The following ADGRF3 variants were observed in gnomAD, a reference collection of about 807,000 sequenced individuals.
ADGRF3 encodes the protein G protein-coupled receptor 113.
In ADGRF3, 85 loss-of-function variants were observed where a neutral mutation model predicts 93.2. That is an observed-to-expected ratio of 0.91 (90% CI 0.77 to 1.09). The LOEUF is 1.09. ADGRF3 is among the 50% of genes least tolerant of loss of function. ADGRF3 has a pLI of 0.00. For missense variants in ADGRF3, 1,125 were observed against 1,246.2 expected (o/e 0.90, Z 1.46); for synonymous variants, 534 against 532.5 (o/e 1.00, Z -0.04).
In ADGRF3 at chr2:26,310,089, C is replaced by T. The variant is rs1250347432; in HGVS notation, c.2891G>A (p.Arg964His). 9.9e-6 allele frequency: 16 copies of T among 1,613,890 alleles called. No homozygotes were observed. Among genetic ancestry groups the T allele is most frequent in the African/African-American group, 1.3e-5 (1 of 74,934 alleles). ...GGCTTGGGCGCGGCAGAAGCGTTTG[C>T]GCAAAGCTTCTTGTATCTGCGGGAG... The part of the protein sequence containing the change: ...LMDRKIQEAL[R>H]KRFCRAQAPS... Residue 964 changes from arginine to histidine, a missense_variant, in exon 12 of 14, where the codon CGC becomes CAC. Transcript: ENST00000651242.
Position 26,325,879 on chromosome 2 carries a change from AGT to A in ADGRF3, c.115-8319_115-8318del, listed in dbSNP as rs780277026. Among the ~76,000 whole-genome samples, 7 of 152,336 alleles carry A rather than the reference AGT, an allele frequency of 4.6e-5. No individual in the cohort carries two copies. The South Asian group carries it at 1.2e-3, about 27-fold the overall frequency. ...TTTGGAGGTATAGATGACCTACCTA[AGT>A]GTGAGACAAAATCCTGAAATCATAT... On this transcript the variant is annotated intron_variant, in intron 1 of 13. Coordinates refer to ENST00000651242, the MANE Select transcript of ADGRF3 (RefSeq NM_001321971.2).
chr2:26,336,724 A>T (rs1676068962), intron 1 of ADGRF3, among the ~76,000 whole-genome samples: 3 of 78,246 alleles, frequency 3.8e-5, no homozygotes, highest in African/African-American at 8.8e-5. Context: ...AGACTCCATA[A>T]AAAAAAAAAA....
chr2:26,331,513 C>T lies in ADGRF3; in HGVS notation c.115-13951G>A, dbSNP rs1460751336. On this transcript the variant is annotated intron_variant, in intron 1 of 13. Coordinates refer to ENST00000651242, the MANE Select transcript of ADGRF3 (RefSeq NM_001321971.2). ...GCAGTGAGCCGAGATTGCACCACTT[C>T]ACTCCAGCCTGGGTGAAAGAGCAAA... Among the ~76,000 whole-genome samples the T allele has an allele frequency of 2.6e-5, 4 of 152,312 alleles. No homozygotes were observed. The East Asian group carries it at 7.7e-4, about 29-fold the overall frequency.
At chr2:26,319,598 CCTTCCTTCCTTCCTTCCTTTCTTT>C (rs1479775620) in intron 1 of ADGRF3, among the ~76,000 whole-genome samples, 1 of 82,108 alleles carries the variant, frequency 1.2e-5, no homozygotes, top group African/African-American at 3.9e-5. Context: ...TTCCTTCCTT[CCTTCCTTCCTTCCTTCCTTTCTTT>C]CTTTGTTTCT....
intron 1 of ADGRF3, among the ~76,000 whole-genome samples, chr2:26,325,729 A>C (rs1675400947): frequency 6.6e-6 from 1 of 152,178 alleles, no homozygotes; most frequent in Admixed American, 6.6e-5. Flanking sequence ...ATAATTTCAA[A>C]TCCTTAAGCC....
chr2:26,318,298 A>G (rs2147887912), intron 1 of ADGRF3, among the ~76,000 whole-genome samples: 1 of 152,316 alleles, frequency 6.6e-6, no homozygotes, highest in South Asian at 2.1e-4. Flanking sequence ...GAGTATGGAT[A>G]AGACGTGAGT....
intron 1 of ADGRF3, among the ~76,000 whole-genome samples, chr2:26,333,433 G>GATTAGTTTGGACCTGTA (rs146940888): frequency 2.0e-5 from 3 of 148,342 alleles, no homozygotes; most frequent in African/African-American, 7.5e-5. Flanking sequence ...TCTGGGGTAG[G>GATTAGTTTGGACCTGTA]TGGAAAGTTC....
chr2:26,346,081 C>A (rs1416026824), intron 1 of ADGRF3, 40 bp downstream of exon 1: 8 of 1,535,562 alleles, frequency 5.2e-6, no homozygotes, highest in South Asian at 1.2e-5. Flanking sequence ...GGGGCCGAGG[C>A]GGCTACGCGT....
At chr2:26,335,527 T>C (rs375987739) in intron 1 of ADGRF3, among the ~76,000 whole-genome samples, 1 of 152,302 alleles carries the variant, frequency 6.6e-6, no homozygotes, top group South Asian at 2.1e-4. Context: ...GTCAGGTAAC[T>C]ATATGTTTAA....
At chr2:26,325,161 G>A (rs1675373804) in intron 1 of ADGRF3, among the ~76,000 whole-genome samples, 1 of 152,130 alleles carries the variant, frequency 6.6e-6, no homozygotes, top group African/African-American at 2.4e-5. Context: ...AGAGAGAAGG[G>A]GAAATGCACA....
intron 9 of ADGRF3, among the ~76,000 whole-genome samples, 156 bp from the exon 10 acceptor site, chr2:26,312,230 G>C (rs897370151): frequency 5.3e-5 from 8 of 151,922 alleles, no homozygotes; most frequent in Non-Finnish European, 8.8e-5. Flanking sequence ...CCTGTGAAGG[G>C]AGACTTTCTA....
At position 26,342,715 on chromosome 2, in the gene ADGRF3, C is replaced by T. The variant is rs140219431; in HGVS notation, c.114+3406G>A. ...AAACAAAGCAATAATAAACTACACT[C>T]AGGAATGTGGCGTGTAGAGCACAGA... is the stretch of plus-strand genomic sequence containing the variant. On this transcript the variant is annotated intron_variant, in intron 1 of 13. Coordinates refer to ENST00000651242, the MANE Select transcript of ADGRF3 (RefSeq NM_001321971.2). Among the ~76,000 whole-genome samples the T allele has an allele frequency of 2.1e-3, 326 of 152,314 alleles. 2 individuals carry two copies. Among genetic ancestry groups the T allele is most frequent in the Non-Finnish European group, 3.8e-3 (257 of 68,010 alleles).
In ADGRF3 at chr2:26,311,337, T is replaced by C; in HGVS notation, c.2187A>G (p.Arg729=). The change falls in exon 10 of 14, where the codon AGA becomes AGG. Residue 729 remains arginine (R), a synonymous_variant. Transcript: ENST00000651242. ...AGGAGATCTTGTTCCGCACCACGAC[T>C]CTCCACACCAGCCAGTACACACCCA... The part of the protein sequence containing the change: ...VCLGVYWLVW[R]VVVRNKISYF... The C allele has an allele frequency of 1.9e-6, 3 of 1,613,794 alleles. No individual in the cohort carries two copies. The highest frequency in any genetic ancestry group is 2.5e-6 in the Non-Finnish European group (3 of 1,179,854).
rs1314764945 is a variant in ADGRF3, at chr2:26,346,423, C to T, written c.-189G>A. 4.5e-6 allele frequency: 5 copies of T among 1,113,352 alleles called. No homozygotes were observed. The allele number at this position is 1,113,352 out of a possible 1,614,324, so 69.0% of individuals were successfully genotyped here. A position where few individuals can be genotyped will look rare whatever the true frequency, so the allele number is the denominator to read the frequency against. ...GGCTGGCGGGCGTTCCTCCGGAGGT[C>T]CTGCGGGTCCTGGGGATTGGGGGTC... On this transcript the variant is annotated 5_prime_UTR_variant, in exon 1 of 14. Transcript: ENST00000651242.
intron 1 of ADGRF3, among the ~76,000 whole-genome samples, chr2:26,326,683 C>A (rs34745920): frequency 0.37 from 56,351 of 151,956 alleles, 11,691 homozygotes; most frequent in Non-Finnish European, 0.47. Flanking sequence ...TACTGAGAAC[C>A]TATTGTTCAT....
intron 8 of ADGRF3, 127 bp downstream of exon 8, chr2:26,313,250 G>A (rs112243485): frequency 0.024 from 34,461 of 1,422,842 alleles, 755 homozygotes; most frequent in South Asian, 0.088. Flanking sequence ...CTCTGCTAGG[G>A]CTCCACTTCA....
rs1558378828 is a variant in ADGRF3, at chr2:26,311,324, T to G, written c.2200A>C (p.Asn734His). The change falls in exon 10 of 14, where the codon AAC becomes CAC. Residue 734 changes from asparagine to histidine, a missense_variant. By Grantham distance (68) the Asn-to-His change is moderately conservative. Coordinates refer to ENST00000651242, the MANE Select transcript of ADGRF3 (RefSeq NM_001321971.2). The part of the protein sequence containing the change: ...YWLVWRVVVR[N>H]KISYFRHAAL... ...GCGTGGCGGAAATAGGAGATCTTGT[T>G]CCGCACCACGACTCTCCACACCAGC... 1.2e-6 allele frequency: 2 copies of G among 1,613,628 alleles called. No homozygotes were observed. The highest frequency in any genetic ancestry group is 1.7e-6 in the Non-Finnish European group (2 of 1,179,846).
chr2:26,312,030 C>A lies in ADGRF3; in HGVS notation c.1494G>T (p.Arg498Ser), dbSNP rs149862488. 3 of 1,612,628 alleles carry A rather than the reference C, an allele frequency of 1.9e-6. No individual in the cohort carries two copies. The highest frequency in any genetic ancestry group is 4.5e-5 in the East Asian group (2 of 44,880). The change falls in exon 10 of 14, where the codon AGG becomes AGT. Residue 498 changes from arginine (R) to serine (S), a missense_variant. Arg to Ser is a moderately radical substitution (Grantham distance 110, BLOSUM62 -1). Transcript: ENST00000651242. The part of the protein sequence containing the change: ...ATDKVLDMDT[R>S]SLWTLAQARK... ...GGGCTTGGGCCAGGGTCCACAGAGA[C>A]CTGGTGTCCATATCTAGGACCTTGT...
chr2:26,344,899 C>T (rs1676615068), intron 1 of ADGRF3, among the ~76,000 whole-genome samples: 1 of 152,106 alleles, frequency 6.6e-6, no homozygotes, highest in African/African-American at 2.4e-5. Context: ...AAGAATCATG[C>T]TTTAGGAGGG....
Sources: allele counts gnomAD v4.1 joint callset (sites outside exome capture counted in the v4.1 genomes callset), GRCh38; gene constraint gnomAD v4.1.1; transcripts MANE v1.5; gene names NCBI Gene and HGNC (gene_info 2026-07-23, HGNC 2026-07-21).